The following SVEP1 variants were observed in gnomAD, a reference collection of about 807,000 sequenced individuals.
The protein encoded by SVEP1 is sushi, von Willebrand factor type A, EGF and pentraxin domain-containing protein 1.
SVEP1 carries 164 observed loss-of-function variants against 367.3 expected under a neutral mutation model. The ratio of observed to expected loss-of-function variants is 0.45; its 90% CI spans 0.39 to 0.51. The LOEUF (loss-of-function observed/expected upper bound fraction) is 0.51. Ranked by LOEUF, SVEP1 falls within the 20% of genes least tolerant of loss-of-function variation. SVEP1 has a pLI of 0.00. For synonymous variants in SVEP1, 1,666 were observed against 1,611.6 expected, an observed-to-expected ratio of 1.03 and a Z score of -0.81; for missense variants, 4,117 against 4,425.3, an observed-to-expected ratio of 0.93 and a Z score of 1.98.
intron 9 of SVEP1, among the ~76,000 whole-genome samples, chr9:110,484,668 G>A (rs1012744654): frequency 2.0e-5 from 3 of 152,020 alleles, no homozygotes; most frequent in African/African-American, 7.3e-5. Flanking sequence ...CCTACAGAAT[G>A]AGAGAACACT....
At chr9:110,553,900 G>T (rs1830322712) in intron 1 of SVEP1, among the ~76,000 whole-genome samples, 1 of 151,998 alleles carries the variant, frequency 6.6e-6, no homozygotes, top group African/African-American at 2.4e-5. Context: ...GCTTTAAAAA[G>T]TTTCCCCACC....
intron 25 of SVEP1, among the ~76,000 whole-genome samples, chr9:110,446,539 A>G (rs1324272692): frequency 6.6e-6 from 1 of 152,234 alleles, no homozygotes; most frequent in Non-Finnish European, 1.5e-5. Flanking sequence ...CAGTCTCCTG[A>G]GAAAGTATTT....
chr9:110,540,695 G>A (rs4978936), intron 3 of SVEP1, among the ~76,000 whole-genome samples: 130,982 of 152,164 alleles, frequency 0.86, 56,833 homozygotes, highest in Admixed American at 0.91. Flanking sequence ...CATATCATAT[G>A]CTATAAAACT....
intron 1 of SVEP1, among the ~76,000 whole-genome samples, chr9:110,566,544 C>T (rs755793694): frequency 1.1e-4 from 17 of 152,052 alleles, no homozygotes; most frequent in Admixed American, 2.0e-4. Context: ...AAACCAATTA[C>T]AATGCAACCA....
chr9:110,389,228 A>AC (rs3215846), intron 41 of SVEP1, among the ~76,000 whole-genome samples: 28,318 of 151,408 alleles, frequency 0.19, 2,795 homozygotes, highest in Middle Eastern at 0.32. Flanking sequence ...ATTTGAGAAA[A>AC]CCCCCCCAAA....
rs201526358 is a variant in SVEP1, at chr9:110,492,614, C to CAT, written c.1801-2837_1801-2836dup. Among the ~76,000 whole-genome samples, 1,061 of 150,542 alleles carry CAT rather than the reference C, an allele frequency of 7.0e-3. 8 individuals carry two copies. Among genetic ancestry groups the CAT allele is most frequent in the African/African-American group, 0.023 (958 of 41,062 alleles). On this transcript the variant is annotated intron_variant, in intron 8 of 47. Transcript: ENST00000374469. Reference sequence around the variant, plus strand: ...CAGCAGTGGCTGGATATATATATTTCATATATATATATATGAAATAGGAGA... The same window carrying CAT: ...CAGCAGTGGCTGGATATATATATTTCATATATATATATATATGAAATAGGAGA...
At chr9:110,387,879 TAACA>T (rs1437245293) in intron 41 of SVEP1, among the ~76,000 whole-genome samples, 6 of 152,180 alleles carry the variant, frequency 3.9e-5, no homozygotes, top group Non-Finnish European at 5.9e-5. Context: ...ATCAGATAAA[TAACA>T]AATACATTTT....
intron 3 of SVEP1, among the ~76,000 whole-genome samples, chr9:110,521,024 T>A (rs1829869543): frequency 6.6e-6 from 1 of 152,188 alleles, no homozygotes; most frequent in South Asian, 2.1e-4. Context: ...TTTTCGACTT[T>A]ATGGATTTGA....
rs1378381145 is a variant in SVEP1, at chr9:110,365,913, A to G, written c.*626T>C. ...GCCTACGGCTTTTCAAATGTTGTGA[A>G]AAGAATTAGCCAGGCTACCCTAAGT... On this transcript the variant is annotated 3_prime_UTR_variant, in exon 48 of 48. Coordinates refer to ENST00000374469, the MANE Select transcript of SVEP1 (RefSeq NM_153366.4). 6.6e-6 allele frequency: 1 copy of G among 152,258 alleles called. No individual in the cohort carries two copies. Among genetic ancestry groups the G allele is most frequent in the Non-Finnish European group, 1.5e-5 (1 of 68,048 alleles). The allele number at this position is 152,258 out of a possible 1,614,324, so 9.4% of individuals were successfully genotyped here. A position where few individuals can be genotyped will look rare whatever the true frequency, so the allele number is the denominator to read the frequency against.
At chr9:110,392,955 C>T (rs527583753) in intron 40 of SVEP1, among the ~76,000 whole-genome samples, 77 of 152,052 alleles carry the variant, frequency 5.1e-4, no homozygotes, top group African/African-American at 1.7e-3. Flanking sequence ...ATTTCTTGTC[C>T]GAGACCTGGA....
chr9:110,498,074 A>T (rs960880965), intron 7 of SVEP1, among the ~76,000 whole-genome samples: 10 of 152,212 alleles, frequency 6.6e-5, no homozygotes, highest in Non-Finnish European at 1.5e-5. Context: ...TCCTGTACAC[A>T]TTGCTACATT....
rs186031865 is a variant in SVEP1, at chr9:110,394,756, T to C, written c.9823-5169A>G. 4.8e-4 allele frequency among the ~76,000 whole-genome samples: 73 copies of C among 152,214 alleles called. 1 individual carries two copies. In the East Asian group the frequency reaches 0.013, roughly 27 times the overall value. On this transcript the variant is annotated intron_variant, in intron 40 of 47. Coordinates refer to ENST00000374469, the MANE Select transcript of SVEP1 (RefSeq NM_153366.4). ...CAACTGGAAGAAAGGGTATCAGTGA[T>C]GGAAGATCAAATGAATGAAATGAAG... is the stretch of plus-strand genomic sequence containing the variant.
At chr9:110,432,183 A>G in intron 31 of SVEP1, 149 bp from the exon 32 acceptor site, 2 of 1,024,830 alleles carry the variant, frequency 2.0e-6, no homozygotes, top group East Asian at 2.7e-5. Flanking sequence ...TCATAATCAC[A>G]TTGCAGATAT....
At chr9:110,446,778 G>T in intron 25 of SVEP1, 122 bp downstream of exon 25, 2 of 785,838 alleles carry the variant, frequency 2.5e-6, no homozygotes, top group Non-Finnish European at 3.6e-6. Context: ...GATTAAATGA[G>T]TACAAAGTGC....
intron 2 of SVEP1, among the ~76,000 whole-genome samples, chr9:110,547,588 GAAGAA>G (rs1174587119): frequency 2.0e-5 from 3 of 152,050 alleles, no homozygotes; most frequent in Admixed American, 6.6e-5. Flanking sequence ...AAAAGGGTGA[GAAGAA>G]AAGAAAAGAC....
chr9:110,394,789 A>G (rs1012303082), intron 40 of SVEP1, among the ~76,000 whole-genome samples: 25 of 152,178 alleles, frequency 1.6e-4, no homozygotes, highest in African/African-American at 5.1e-4. Context: ...AAGCAAGAAG[A>G]GAAGTTTAGA....
rs768992500 is a variant in SVEP1 at position 110,471,573 on chromosome 9, C to T, written c.2789G>A (p.Arg930Lys). 5.0e-6 allele frequency: 8 copies of T among 1,613,324 alleles called. No homozygotes were observed. The highest frequency in any genetic ancestry group is 4.4e-5 in the South Asian group (4 of 91,014). The change falls in exon 16 of 48, where the codon AGA becomes AAA. Residue 930 changes from arginine to lysine, a missense_variant. Physicochemically the swap from Arg to Lys is conservative, Grantham distance 26. Around this residue, in one of 4 missense-constraint regions of SVEP1, gnomAD observed 2,174 missense variants for 2,494.3 expected, o/e 0.87. Transcript: ENST00000374469. ...ATTTTCCCATTCAAGGGTATCATTTCTTTCATCGGGTAATGGCACACTAGC... is the reference window on the plus strand; with the variant it reads ...ATTTTCCCATTCAAGGGTATCATTTTTTTCATCGGGTAATGGCACACTAGC... ...ITASVPLPDE[R>K]NDTLEWENQQ...
intron 46 of SVEP1, among the ~76,000 whole-genome samples, chr9:110,372,973 A>T (rs1827300159): frequency 6.6e-6 from 1 of 152,194 alleles, no homozygotes; most frequent in Non-Finnish European, 1.5e-5. Context: ...AGGGACATGG[A>T]GACAAGAAGG....
intron 3 of SVEP1, among the ~76,000 whole-genome samples, chr9:110,516,478 A>T (rs1359000829): frequency 6.6e-6 from 1 of 151,990 alleles, no homozygotes; most frequent in African/African-American, 2.4e-5. Context: ...CATAAAGGAA[A>T]CACTACTTTG....
Sources: gnomAD v4.1 joint callset for allele counts (sites outside exome capture counted in the v4.1 genomes callset) on GRCh38, gnomAD v4.1.1 for gene constraint, gnomAD v4.1.1 regional missense constraint, MANE v1.5 for transcripts, NCBI Gene and HGNC (gene_info 2026-07-23, HGNC 2026-07-21) for gene names.